Variants in DCAF5 observed in about 807,000 individuals in gnomAD.
The protein encoded by DCAF5 is DDB1- and CUL4-associated factor 5.
Under a neutral mutation model 80.7 loss-of-function variants are expected in DCAF5, and 9 were observed. The ratio of observed to expected loss-of-function variants is 0.11; its 90% CI spans 0.07 to 0.19. The LOEUF (loss-of-function observed/expected upper bound fraction) is 0.19. Ranked by LOEUF, DCAF5 falls within the 10% of genes least tolerant of loss-of-function variation. The probability of loss-of-function intolerance (pLI) is 1.00; values close to 1 mark genes in which losing one functional copy is unlikely to be tolerated. For synonymous variants in DCAF5, 433 were observed against 461.9 expected, an observed-to-expected ratio of 0.94 and a Z score of 0.80; for missense variants, 842 against 1,205.7, an observed-to-expected ratio of 0.70 and a Z score of 4.47.
intron 1 of DCAF5, among the ~76,000 whole-genome samples, chr14:69,144,106 A>AT (rs2041459285): frequency 6.6e-6 from 1 of 152,148 alleles, no homozygotes; most frequent in Non-Finnish European, 1.5e-5. Flanking sequence ...CAAAACCTTC[A>AT]AATCTCCTTG....
In DCAF5 at chr14:69,055,071, C is replaced by T; in HGVS notation, c.1615G>A (p.Glu539Lys). 6.2e-7 allele frequency: 1 copy of T among 1,614,220 alleles called. No homozygotes were observed. Among genetic ancestry groups the T allele is most frequent in the Non-Finnish European group, 8.5e-7 (1 of 1,180,042 alleles). Residue 539 changes from glutamate (E) to lysine (K), a missense_variant, in exon 9 of 9, where the codon GAG becomes AAG. Coordinates refer to ENST00000341516, the MANE Select transcript of DCAF5 (RefSeq NM_003861.3). This position sits in a 1 kb window ranked among gnomAD's most constrained non-coding sequence, Gnocchi z 5.6. Reference sequence around the variant, plus strand: ...AAGAGATCTGTGTCTAGTTCCACCTCACAGACATTCTCCTCAGAATCGGAC... The same window carrying T: ...AAGAGATCTGTGTCTAGTTCCACCTTACAGACATTCTCCTCAGAATCGGAC... ...NESDSEENVC[E>K]VELDTDLFPR...
intron 7 of DCAF5, among the ~76,000 whole-genome samples, chr14:69,065,134 G>C (rs2038383024): frequency 8.6e-6 from 1 of 115,700 alleles, no homozygotes; most frequent in Non-Finnish European, 1.6e-5. Context: ...GTCTTGCTCT[G>C]TTGCCCAGGC....
intron 1 of DCAF5, among the ~76,000 whole-genome samples, chr14:69,130,644 CTAAA>C (rs914997222): frequency 4.6e-5 from 7 of 152,018 alleles, no homozygotes; most frequent in African/African-American, 1.4e-4. Flanking sequence ...ACAATGCAGC[CTAAA>C]TAAATAAAAG....
intron 6 of DCAF5, chr14:69,084,307 CT>C: frequency 2.1e-6 from 2 of 952,492 alleles, no homozygotes; most frequent in Non-Finnish European, 3.4e-6. Flanking sequence ...TCACACCAGG[CT>C]GTCTGCTGGA....
chr14:69,099,907 T>C (rs1449699449), intron 5 of DCAF5, among the ~76,000 whole-genome samples: 1 of 152,028 alleles, frequency 6.6e-6, no homozygotes, highest in African/African-American at 2.4e-5. Flanking sequence ...TAAGACACTG[T>C]CTCAAAGAAT....
chr14:69,055,097 T>G lies in DCAF5; in HGVS notation c.1589A>C (p.Glu530Ala), dbSNP rs1464514417. ...QDKRLLALSN[E>A]SDSEENVCEV... is the part of the protein sequence containing the mutation. Reference sequence around the variant, plus strand: ...ACAGACATTCTCCTCAGAATCGGACTCATTGGAAAGGGCCAGGAGGCGTTT... The same window carrying G: ...ACAGACATTCTCCTCAGAATCGGACGCATTGGAAAGGGCCAGGAGGCGTTT... Residue 530 changes from glutamate to alanine, a missense_variant, in exon 9 of 9, where the codon GAG (glutamate) becomes GCG (alanine). This residue lies in a region of DCAF5 where 607 missense variants were observed against 656.6 expected (regional missense o/e 0.92). Coordinates refer to ENST00000341516, the MANE Select transcript of DCAF5 (RefSeq NM_003861.3). The surrounding 1 kb of genome is among the most constrained non-coding windows in gnomAD (Gnocchi z 5.6). 2 of 1,614,182 alleles carry G rather than the reference T, an allele frequency of 1.2e-6. No individual in the cohort carries two copies. Among genetic ancestry groups the G allele is most frequent in the Non-Finnish European group, 1.7e-6 (2 of 1,180,024 alleles).
At chr14:69,136,267 C>T (rs898242390) in intron 1 of DCAF5, among the ~76,000 whole-genome samples, 4 of 151,986 alleles carry the variant, frequency 2.6e-5, no homozygotes, top group Non-Finnish European at 5.9e-5. Flanking sequence ...AGGTGCACAT[C>T]ACCATGCCTG....
Position 69,053,598 on chromosome 14 carries a change from A to ACG in DCAF5, c.*257_*258dup, listed in dbSNP as rs1272833085. 2.9e-5 allele frequency: 13 copies of ACG among 449,840 alleles called. No individual in the cohort carries two copies. In the Admixed American group the frequency reaches 5.3e-4, roughly 18 times the overall value. The allele number at this position is 449,840 out of a possible 1,614,324, so 27.9% of individuals were successfully genotyped here. On this transcript the variant is annotated 3_prime_UTR_variant, in exon 9 of 9. Coordinates refer to ENST00000341516, the MANE Select transcript of DCAF5 (RefSeq NM_003861.3). ...TCCACAGAGCCTTGCGCGGCACACT[A>ACG]CGCTCACGTCTCACTAGAAAGGAGT...
chr14:69,053,999 C>A lies in DCAF5; in HGVS notation c.2687G>T (p.Gly896Val). ...SEMACETPNA[G>V]TREDPTDTPA... ...GGTGTCAGTGGGGTCCTCTCTTGTTCCAGCATTGGGGGTCTCACAGGCCAT... is the reference window on the plus strand; with the variant it reads ...GGTGTCAGTGGGGTCCTCTCTTGTTACAGCATTGGGGGTCTCACAGGCCAT... Residue 896 changes from glycine (G) to valine (V), a missense_variant, in exon 9 of 9, where the codon GGA becomes GTA. Coordinates refer to ENST00000341516, the MANE Select transcript of DCAF5 (RefSeq NM_003861.3). 1 of 1,612,648 alleles carries A rather than the reference C, an allele frequency of 6.2e-7. No individual in the cohort carries two copies. Among genetic ancestry groups the A allele is most frequent in the Non-Finnish European group, 8.5e-7 (1 of 1,178,912 alleles).
intron 2 of DCAF5, among the ~76,000 whole-genome samples, chr14:69,120,306 C>T (rs939240991): frequency 1.1e-4 from 17 of 152,032 alleles, no homozygotes; most frequent in Non-Finnish European, 1.5e-5. Context: ...AACTATGTTG[C>T]CCAGGCTGGT....
chr14:69,090,979 A>C (rs2039511441), intron 6 of DCAF5: 2 of 671,940 alleles, frequency 3.0e-6, no homozygotes, highest in Non-Finnish European at 5.5e-6. Flanking sequence ...GGTGACCCAG[A>C]TTAGCCCAAC....
At chr14:69,146,609 G>A (rs1447225211) in intron 1 of DCAF5, among the ~76,000 whole-genome samples, 1 of 152,052 alleles carries the variant, frequency 6.6e-6, no homozygotes, top group Non-Finnish European at 1.5e-5. Context: ...AGGTAGAGGG[G>A]ATATCTTTTA....
intron 1 of DCAF5, among the ~76,000 whole-genome samples, chr14:69,142,107 CA>C (rs1471566686): frequency 6.6e-6 from 1 of 151,890 alleles, no homozygotes; most frequent in Non-Finnish European, 1.5e-5. Context: ...CCAGCCTGGG[CA>C]AAATAGTGAG....
chr14:69,143,030 T>C (rs563887245), intron 1 of DCAF5, among the ~76,000 whole-genome samples: 44 of 152,258 alleles, frequency 2.9e-4, no homozygotes, highest in African/African-American at 9.9e-4. Context: ...AGACTTTAGA[T>C]AACTGCAAAC....
At chr14:69,070,007 G>A (rs2038622196) in intron 7 of DCAF5, among the ~76,000 whole-genome samples, 1 of 152,154 alleles carries the variant, frequency 6.6e-6, no homozygotes, top group Admixed American at 6.5e-5. Flanking sequence ...TATTGTTGTT[G>A]GTGGTGGTAT....
At chr14:69,144,971 AT>A (rs1466763035) in intron 1 of DCAF5, among the ~76,000 whole-genome samples, 1 of 152,244 alleles carries the variant, frequency 6.6e-6, no homozygotes, top group Admixed American at 6.5e-5. Flanking sequence ...AAGAGAAGAT[AT>A]AAAAGGGTTA....
intron 5 of DCAF5, among the ~76,000 whole-genome samples, chr14:69,105,912 G>GTCAT (rs1171563848): frequency 4.5e-4 from 9 of 20,012 alleles, no homozygotes; most frequent in African/African-American, 7.9e-4. Context: ...CTAATAAACT[G>GTCAT]TCATATATAT....
intron 4 of DCAF5, 125 bp from the exon 5 acceptor site, chr14:69,116,620 C>T: frequency 9.2e-7 from 1 of 1,089,224 alleles, no homozygotes; most frequent in Non-Finnish European, 1.3e-6. Flanking sequence ...CCTGGAGCCC[C>T]AAAACAGCAC....
At chr14:69,087,230 C>T (rs937292928) in intron 6 of DCAF5, among the ~76,000 whole-genome samples, 1 of 152,178 alleles carries the variant, frequency 6.6e-6, no homozygotes, top group Non-Finnish European at 1.5e-5. Context: ...AGGTAGAATA[C>T]TGGCATTCTT....
Sources: gnomAD v4.1 joint callset for allele counts (sites outside exome capture counted in the v4.1 genomes callset) on GRCh38, gnomAD v4.1.1 for gene constraint, gnomAD v4.1.1 regional missense constraint, Gnocchi (gnomAD v3.1) non-coding constraint, MANE v1.5 for transcripts, NCBI Gene and HGNC (gene_info 2026-07-23, HGNC 2026-07-21) for gene names.